MGAM: variants seen among roughly 807,000 people sequenced by gnomAD.
The protein encoded by MGAM is alpha-1,4-glucosidase.
MGAM carries 253 observed loss-of-function variants against 358.8 expected under a neutral mutation model. The ratio of observed to expected loss-of-function variants is 0.71; its 90% CI spans 0.64 to 0.78. The LOEUF is 0.78. Among genes scored for constraint, MGAM ranks in the 30% least tolerant of loss-of-function variants. The pLI is 0.00. For synonymous variants in MGAM, 1,105 were observed against 1,227.1 expected (o/e 0.90, Z 2.08); for missense variants, 3,080 against 3,432.6 (o/e 0.90, Z 2.57).
intron 4 of MGAM, 69 bp from the exon 5 acceptor site, chr7:142,020,904 AT>A (rs1806388442): frequency 3.6e-5 from 40 of 1,126,680 alleles, no homozygotes; most frequent in Admixed American, 5.6e-5. Context: ...GTGTATCATA[AT>A]TTTTATGTAG....
chr7:142,016,177 T>C (rs1417820377), intron 3 of MGAM, among the ~76,000 whole-genome samples: 2 of 152,204 alleles, frequency 1.3e-5, no homozygotes, highest in Non-Finnish European at 2.9e-5. Context: ...TTAAGAAGCA[T>C]TGGGAATTGG....
chr7:142,054,713 A>G, intron 26 of MGAM, 41 bp from the exon 27 acceptor site: 1 of 1,607,110 alleles, frequency 6.2e-7, no homozygotes, highest in Non-Finnish European at 8.5e-7. Flanking sequence ...ATAGGTTTCA[A>G]GAGTAGTATT....
rs1813910964 is a variant in MGAM at position 142,078,237 on chromosome 7, T to G, written c.5494-81T>G. ...CTGATGTCTATTTGTTTTTCCAAAA[T>G]AAATAAATAAATAAAGTCTTAGATT... On this transcript the variant is annotated intron_variant, in intron 47 of 70. Transcript: ENST00000475668. 5 of 1,065,168 alleles carry G rather than the reference T, an allele frequency of 4.7e-6. 1 individual carries two copies. The highest frequency in any genetic ancestry group is 3.1e-5 in the Admixed American group (1 of 32,640). The allele number at this position is 1,065,168 out of a possible 1,614,324, so 66.0% of individuals were successfully genotyped here.
chr7:142,053,014 T>A (rs746963203), intron 26 of MGAM, 30 bp downstream of exon 26: 1 of 1,605,006 alleles, frequency 6.2e-7, no homozygotes, highest in African/African-American at 1.3e-5. Flanking sequence ...CAGGTAGTGA[T>A]TAGACCCTTT....
chr7:142,058,124 A>G, intron 30 of MGAM, 79 bp from the exon 31 acceptor site: 1 of 1,597,322 alleles, frequency 6.3e-7, no homozygotes, highest in Non-Finnish European at 8.5e-7. Flanking sequence ...GGGCACAGAA[A>G]AATATTCTTA....
At chr7:142,054,511 T>A (rs1811299817) in intron 26 of MGAM, among the ~76,000 whole-genome samples, 1 of 152,114 alleles carries the variant, frequency 6.6e-6, no homozygotes, top group Admixed American at 6.6e-5. Flanking sequence ...TCCAGAATGA[T>A]TTTCCAAGTC....
rs186393088 is a variant in MGAM at position 142,045,895 on chromosome 7, G to A, written c.2499-1890G>A. ...ATACAATATGTAATATATATATTATGTATACATACAATATGTAATATATAT... is the reference window on the plus strand; with the variant it reads ...ATACAATATGTAATATATATATTATATATACATACAATATGTAATATATAT... On this transcript the variant is annotated intron_variant, in intron 21 of 70. Coordinates refer to ENST00000475668, the MANE Select transcript of MGAM (RefSeq NM_001365693.1). 2.8e-4 allele frequency among the ~76,000 whole-genome samples: 23 copies of A among 80,880 alleles called. 4 individuals are homozygous for A. Among genetic ancestry groups the A allele is most frequent in the African/African-American group, 7.1e-4 (15 of 21,122 alleles). 53.1% of individuals were successfully genotyped at this position (80,880 alleles called of 152,430 possible). A position where few individuals can be genotyped will look rare whatever the true frequency, so the allele number is the denominator to read the frequency against.
chr7:142,046,150 A>T (rs1810384099), intron 21 of MGAM, among the ~76,000 whole-genome samples: 1 of 142,692 alleles, frequency 7.0e-6, no homozygotes, highest in African/African-American at 2.6e-5. Flanking sequence ...TTATATATAT[A>T]TTTATATTAT....
At chr7:142,099,514 C>A in intron 66 of MGAM, 99 bp from the exon 67 acceptor site, 7 of 1,573,536 alleles carry the variant, frequency 4.4e-6, no homozygotes, top group Non-Finnish European at 5.2e-6. Flanking sequence ...GATGAGCAGG[C>A]ATAAGTTCAG....
intron 34 of MGAM, among the ~76,000 whole-genome samples, chr7:142,062,240 A>T (rs1812279910): frequency 6.6e-6 from 1 of 152,128 alleles, no homozygotes; most frequent in Non-Finnish European, 1.5e-5. Context: ...GTCTTTGAGG[A>T]GTGCATAGGA....
intron 67 of MGAM, 41 bp downstream of exon 67, chr7:142,099,778 G>A (rs746161061): frequency 6.2e-7 from 1 of 1,605,366 alleles, no homozygotes; most frequent in African/African-American, 1.3e-5. Context: ...ATGTCAGTTA[G>A]CTCAACAATT....
intron 21 of MGAM, among the ~76,000 whole-genome samples, chr7:142,047,465 T>A (rs1810500394): frequency 6.6e-6 from 1 of 152,116 alleles, no homozygotes; most frequent in Non-Finnish European, 1.5e-5. Flanking sequence ...TGCCCAAGAT[T>A]TATTTCTCTT....
At chr7:142,088,775 A>G (rs190195214) in intron 57 of MGAM, among the ~76,000 whole-genome samples, 1 of 130,204 alleles carries the variant, frequency 7.7e-6, no homozygotes. Flanking sequence ...CTATCTATCT[A>G]TCTATCTATC....
intron 2 of MGAM, among the ~76,000 whole-genome samples, chr7:141,989,817 T>C (rs982795018): frequency 2.6e-5 from 4 of 152,236 alleles, no homozygotes; most frequent in Non-Finnish European, 5.9e-5. Flanking sequence ...TTATCTTGAA[T>C]GAAATACTAT....
At chr7:142,071,866 C>A (rs1813374366) in intron 44 of MGAM, among the ~76,000 whole-genome samples, 1 of 146,384 alleles carries the variant, frequency 6.8e-6, no homozygotes, top group Admixed American at 6.9e-5. Context: ...TCCATCTGTA[C>A]TAAAGAGGTG....
Position 142,103,312 on chromosome 7 carries a change from GT to G in MGAM, c.8058del (p.Thr2687GlnfsTer4), listed in dbSNP as rs1363610615. 6.2e-7 allele frequency: 1 copy of G among 1,612,746 alleles called. No homozygotes were observed. Among genetic ancestry groups the G allele is most frequent in the East Asian group, 2.2e-5 (1 of 44,854 alleles). On this transcript the variant is annotated frameshift_variant, in exon 70 of 71. Transcript: ENST00000475668. LOFTEE classifies it high-confidence loss of function. ...ATAATTTTCAACAATTACATCACTGGTACAAATCCTTTGAAACTGGGCTACA... is the reference window on the plus strand; with the variant it reads ...ATAATTTTCAACAATTACATCACTGGACAAATCCTTTGAAACTGGGCTACA... ...SHIIFNNYIT[G>X]TNPLKLGYIE...
chr7:142,065,965 TTTG>T (rs796567625), intron 40 of MGAM, 134 bp downstream of exon 40: 2 of 758,204 alleles, frequency 2.6e-6, no homozygotes, highest in African/African-American at 2.2e-5. Flanking sequence ...TTTGTTTTGT[TTTG>T]TTTTTTTTTT....
At chr7:142,088,996 G>GTATATATCTATCTATCTATC (rs771119657) in intron 57 of MGAM, among the ~76,000 whole-genome samples, 2 of 117,970 alleles carry the variant, frequency 1.7e-5, no homozygotes, top group African/African-American at 5.8e-5. Flanking sequence ...ATGTATGTAT[G>GTATATATCTATCTATCTATC]TATCTATCTA....
chr7:142,030,649 C>T lies in MGAM; in HGVS notation c.1362C>T (p.Ala454=), dbSNP rs1807397965. 6.2e-7 allele frequency: 1 copy of T among 1,611,644 alleles called. No individual in the cohort carries two copies. The highest frequency in any genetic ancestry group is 1.3e-5 in the African/African-American group (1 of 74,842). ...GQKLVIIVDP[A]ISNNSSSSKP... is the part of the protein sequence containing the mutation. The stretch of plus-strand genomic sequence containing the variant: ...ATTCTTCCTATTTTTAGGATCCAGC[C>T]ATCTCCAACAACTCTTCCTCAAGTA... Residue 454 remains alanine, a synonymous_variant, in exon 12 of 71, where the codon GCC becomes GCT. Coordinates refer to ENST00000475668, the MANE Select transcript of MGAM (RefSeq NM_001365693.1).
Sources: allele counts gnomAD v4.1 joint callset (sites outside exome capture counted in the v4.1 genomes callset), GRCh38; gene constraint gnomAD v4.1.1; transcripts MANE v1.5; gene names NCBI Gene and HGNC (gene_info 2026-07-23, HGNC 2026-07-21).